Variants in DNAH17 observed in about 807,000 individuals in gnomAD.
DNAH17 encodes the protein axonemal beta dynein heavy chain 17.
In DNAH17, 376 loss-of-function variants were observed where a neutral mutation model predicts 485.6. The observed-to-expected ratio is 0.77, with a 90% CI of 0.71 to 0.84. The LOEUF (loss-of-function observed/expected upper bound fraction) is 0.84. DNAH17 is among the 40% of genes least tolerant of loss of function. The pLI is 0.00. For missense variants in DNAH17, 6,370 were observed against 5,839.3 expected, an observed-to-expected ratio of 1.09 and a Z score of -2.96; for synonymous variants, 3,031 against 2,405.9, an observed-to-expected ratio of 1.26 and a Z score of -7.60.
chr17:78,451,228 G>A (rs951357265), intron 66 of DNAH17, among the ~76,000 whole-genome samples: 2 of 152,250 alleles, frequency 1.3e-5, no homozygotes, highest in Admixed American at 6.5e-5. Context: ...TGTTCTTTAA[G>A]CAAAGAGGTC....
intron 19 of DNAH17, among the ~76,000 whole-genome samples, chr17:78,536,586 C>T (rs1013320884): frequency 1.8e-4 from 27 of 152,038 alleles, no homozygotes; most frequent in African/African-American, 6.0e-4. Context: ...GAGACTGAGG[C>T]GGGAGGATCA....
At chr17:78,504,288 C>G (rs1490977731) in intron 31 of DNAH17, among the ~76,000 whole-genome samples, 1 of 152,094 alleles carries the variant, frequency 6.6e-6, no homozygotes, top group Non-Finnish European at 1.5e-5. Flanking sequence ...TGGTCTTGAA[C>G]TCCCGACCTC....
At chr17:78,468,011 C>A (rs2088559511) in intron 55 of DNAH17, among the ~76,000 whole-genome samples, 2 of 107,084 alleles carry the variant, frequency 1.9e-5, no homozygotes, top group African/African-American at 3.4e-5. Flanking sequence ...AGTGAAACTC[C>A]ATCTCAAAAA....
chr17:78,510,329 G>A, intron 27 of DNAH17, 55 bp downstream of exon 27: 1 of 1,592,038 alleles, frequency 6.3e-7, no homozygotes, highest in South Asian at 1.1e-5. Context: ...TGGTTGGAGG[G>A]GGCAGTTTCA....
chr17:78,540,121 C>T (rs2091481842), intron 17 of DNAH17, among the ~76,000 whole-genome samples: 1 of 152,066 alleles, frequency 6.6e-6, no homozygotes, highest in Non-Finnish European at 1.5e-5. Flanking sequence ...TCCCTTCCTC[C>T]CAAAGGAATC....
At chr17:78,482,395 C>G (rs2089390370) in intron 48 of DNAH17, among the ~76,000 whole-genome samples, 1 of 152,162 alleles carries the variant, frequency 6.6e-6, no homozygotes, top group African/African-American at 2.4e-5. Context: ...CTAGTAATTC[C>G]TTGTATATTT....
intron 44 of DNAH17, 132 bp downstream of exon 44, chr17:78,490,567 A>ACTGGTGC: frequency 3.1e-6 from 4 of 1,305,402 alleles, no homozygotes; most frequent in Non-Finnish European, 4.2e-6. Context: ...CTGCTGTGAC[A>ACTGGTGC]CTGGTGCCTG....
At chr17:78,441,470 C>T (rs879310380) in intron 71 of DNAH17, among the ~76,000 whole-genome samples, 6 of 152,092 alleles carry the variant, frequency 3.9e-5, no homozygotes, top group Admixed American at 6.6e-5. Context: ...AGAGGCCAGC[C>T]TTGGAAGGCA....
chr17:78,532,962 G>T, intron 19 of DNAH17: 1 of 491,550 alleles, frequency 2.0e-6, no homozygotes, highest in Non-Finnish European at 3.6e-6. Flanking sequence ...TTAGTGGATA[G>T]CACACTACAG....
At chr17:78,470,069 C>CTTTTTTTTTT (rs34298026) in intron 54 of DNAH17, among the ~76,000 whole-genome samples, 1 of 93,366 alleles carries the variant, frequency 1.1e-5, no homozygotes, top group Non-Finnish European at 1.9e-5. Flanking sequence ...ATGTCTTACT[C>CTTTTTTTTTT]TTTTTTTTTT....
chr17:78,444,482 G>C, intron 71 of DNAH17, 122 bp downstream of exon 71: 1 of 910,442 alleles, frequency 1.1e-6, no homozygotes, highest in Non-Finnish European at 1.6e-6. Flanking sequence ...TGTAAAATGG[G>C]GAGAAGAAAA....
At position 78,529,583 on chromosome 17, in the gene DNAH17, G is replaced by C; in HGVS notation, c.3396C>G (p.Val1132=). 3.1e-6 allele frequency: 5 copies of C among 1,613,860 alleles called. No homozygotes were observed. The East Asian group carries it at 6.7e-5, about 22-fold the overall frequency. ...LVEVMGHLMK[V]KERQAATDNM... is the part of the protein sequence containing the mutation. ...TGTCGGTGGCTGCTTGCCTCTCCTT[G>C]ACTTTCATCAGGTGCCCCATCACCT... The change falls in exon 22 of 81, where the codon GTC becomes GTG. Residue 1132 remains valine, a synonymous_variant. Coordinates refer to ENST00000389840, the MANE Select transcript of DNAH17 (RefSeq NM_173628.4).
In DNAH17 at chr17:78,446,067, G is replaced by A. The variant is rs1360459376; in HGVS notation, c.11212-387C>T. On this transcript the variant is annotated intron_variant, in intron 69 of 80. Transcript: ENST00000389840. ...TGCATGCCTGTAGTCCTAGCTACTC[G>A]GGATGCTGAGGCAGGAGAATCACTT... Among the ~76,000 whole-genome samples the A allele has an allele frequency of 2.7e-5, 4 of 150,094 alleles. No individual in the cohort carries two copies. The East Asian group carries it at 5.9e-4, about 22-fold the overall frequency.
chr17:78,498,383 G>GCCCA (rs1306871646), intron 37 of DNAH17, among the ~76,000 whole-genome samples: 1 of 152,130 alleles, frequency 6.6e-6, no homozygotes, highest in African/African-American at 2.4e-5. Flanking sequence ...ACCTTAGACA[G>GCCCA]CCCAGTGCTT....
Position 78,526,792 on chromosome 17 carries a change from G to C in DNAH17, c.3625-55C>G, listed in dbSNP as rs1598643956. On this transcript the variant is annotated intron_variant, in intron 23 of 80. Coordinates refer to ENST00000389840, the MANE Select transcript of DNAH17 (RefSeq NM_173628.4). Reference sequence around the variant, plus strand: ...GTCACGGGGCGGCCACCTGCCCCAAGGGTGGCCCCACCCTGTATGCCGCAG... The same window carrying C: ...GTCACGGGGCGGCCACCTGCCCCAACGGTGGCCCCACCCTGTATGCCGCAG... The C allele has an allele frequency of 6.4e-6, 10 of 1,562,454 alleles. No homozygotes were observed. The East Asian group carries it at 9.2e-5, about 14-fold the overall frequency.
intron 34 of DNAH17, 97 bp from the exon 35 acceptor site, chr17:78,501,441 C>T (rs1654768916): frequency 7.1e-7 from 1 of 1,405,908 alleles, no homozygotes; most frequent in South Asian, 1.4e-5. Flanking sequence ...TCCCCTGCTG[C>T]CCAGGGAACC....
chr17:78,439,323 C>T lies in DNAH17; in HGVS notation c.11678-106G>A, dbSNP rs75445149. 2,556 of 1,344,218 alleles carry T rather than the reference C, an allele frequency of 1.9e-3. 24 individuals are homozygous for T. In the African/African-American group the frequency reaches 0.031, roughly 17 times the overall value. The allele number at this position is 1,344,218 out of a possible 1,614,324, so 83.3% of individuals were successfully genotyped here. A position where few individuals can be genotyped will look rare whatever the true frequency, so the allele number is the denominator to read the frequency against. On this transcript the variant is annotated intron_variant, in intron 72 of 80. Coordinates refer to ENST00000389840, the MANE Select transcript of DNAH17 (RefSeq NM_173628.4). ...TCCACATGCCTCCCTCATTTAGTTT[C>T]GGTGGTGAAATACACATGACATAAA...
chr17:78,479,470 G>T lies in DNAH17; in HGVS notation c.7900+15C>A. On this transcript the variant is annotated intron_variant, in intron 50 of 80. Coordinates refer to ENST00000389840, the MANE Select transcript of DNAH17 (RefSeq NM_173628.4). ...GTTTTACCGATGGGAGAGGGGATGA[G>T]GCCAGCCAGCTTACCCAGGGCCGCG... 6.2e-7 allele frequency: 1 copy of T among 1,602,480 alleles called. No homozygotes were observed.
At position 78,507,476 on chromosome 17, in the gene DNAH17, G is replaced by C. The variant is rs753292431; in HGVS notation, c.4566C>G (p.Asp1522Glu). Residue 1522 changes from aspartate to glutamate, a missense_variant, in exon 28 of 81, where the codon GAC becomes GAG. By Grantham distance (45) the Asp-to-Glu change is conservative. Coordinates refer to ENST00000389840, the MANE Select transcript of DNAH17 (RefSeq NM_173628.4). ...TGCTCACCTTGAATTCCTGGTTGAT[G>C]TCGTCAAAGCGCTGGGAGTCCCCCG... ...QLPGDSQRFD[D>E]INQEFKALME... 1.2e-6 allele frequency: 2 copies of C among 1,612,350 alleles called. No homozygotes were observed. The highest frequency in any genetic ancestry group is 1.7e-6 in the Non-Finnish European group (2 of 1,178,382).
Sources: allele counts gnomAD v4.1 joint callset (sites outside exome capture counted in the v4.1 genomes callset), GRCh38; gene constraint gnomAD v4.1.1; transcripts MANE v1.5; gene names NCBI Gene and HGNC (gene_info 2026-07-23, HGNC 2026-07-21).